The following PLBD2 variants were observed in gnomAD, a reference collection of about 807,000 sequenced individuals.
PLBD2 encodes putative aminopeptidase PLBD2.
In PLBD2, 51 loss-of-function variants were observed where a neutral mutation model predicts 68.3. That is an observed-to-expected ratio of 0.75 (90% CI 0.60 to 0.94). The LOEUF (loss-of-function observed/expected upper bound fraction) is 0.94, where lower values mean the gene tolerates loss of function less well. Ranked by LOEUF, PLBD2 falls within the 40% of genes least tolerant of loss-of-function variation. The pLI is 0.00. For missense variants in PLBD2, 729 were observed against 792.2 expected (o/e 0.92, Z 0.96); for synonymous variants, 314 against 339.3 (o/e 0.93, Z 0.82).
At chr12:113,361,609 A>T (rs1957298007) in intron 1 of PLBD2, among the ~76,000 whole-genome samples, 1 of 152,006 alleles carries the variant, frequency 6.6e-6, no homozygotes, top group Admixed American at 6.6e-5. Context: ...AGCATCCCCA[A>T]ATGTTGGGAT....
At chr12:113,373,229 C>T (rs1254083635) in intron 3 of PLBD2, among the ~76,000 whole-genome samples, 1 of 152,242 alleles carries the variant, frequency 6.6e-6, no homozygotes, top group Non-Finnish European at 1.5e-5. Flanking sequence ...TTTTCCTTTC[C>T]TTGAGTGAGC....
chr12:113,374,439 C>T (rs1317918635), intron 3 of PLBD2, 35 bp from the exon 4 acceptor site: 8 of 1,355,872 alleles, frequency 5.9e-6, no homozygotes, highest in South Asian at 1.2e-5. Flanking sequence ...GGAGGAGAGG[C>T]CTCACCCTCC....
At chr12:113,383,915 C>G (rs1381730565) in intron 6 of PLBD2, among the ~76,000 whole-genome samples, 190 bp from the exon 7 acceptor site, 1 of 148,488 alleles carries the variant, frequency 6.7e-6, no homozygotes, top group Non-Finnish European at 1.5e-5. Flanking sequence ...ACGAAAATTG[C>G]TTGAACTTGG....
At position 113,374,963 on chromosome 12, in the gene PLBD2, G is replaced by A. The variant is rs141234639; in HGVS notation, c.815G>A (p.Arg272His). 27 of 1,614,034 alleles carry A rather than the reference G, an allele frequency of 1.7e-5. No homozygotes were observed. Among genetic ancestry groups the A allele is most frequent in the Middle Eastern group, 1.6e-4 (1 of 6,084 alleles). Residue 272 changes from arginine to histidine, a missense_variant, in exon 5 of 12, where the codon CGT becomes CAT. Physicochemically the swap from Arg to His is conservative, Grantham distance 29. Coordinates refer to ENST00000280800, the MANE Select transcript of PLBD2 (RefSeq NM_173542.4). ...NTWNNYQHML[R>H]VIKKYWLQFR... is the part of the protein sequence containing the mutation. The stretch of plus-strand genomic sequence containing the variant: ...TGGAACAACTACCAGCACATGCTGC[G>A]TGTCATCAAGAAGTACTGGCTCCAG...
Position 113,387,867 on chromosome 12 carries a change from G to T in PLBD2, c.1563G>T (p.Gln521His). The T allele has an allele frequency of 6.2e-7, 1 of 1,614,212 alleles. No homozygotes were observed. Among genetic ancestry groups the T allele is most frequent in the Non-Finnish European group, 8.5e-7 (1 of 1,180,034 alleles). Residue 521 changes from glutamine (Q) to histidine (H), a missense_variant, in exon 11 of 12, where the codon CAG (glutamine) becomes CAT (histidine). Gln to His is a conservative substitution (Grantham distance 24). Transcript: ENST00000280800. ...LNPANGSYPF[Q>H]ALRQRSHGGI... The stretch of plus-strand genomic sequence containing the variant: ...CGGCCAATGGCTCCTACCCCTTCCA[G>T]GCCCTGCGTCAGCGCTCCCATGGGG...
intron 6 of PLBD2, among the ~76,000 whole-genome samples, chr12:113,382,830 GT>G (rs1179441269): frequency 7.9e-6 from 1 of 126,332 alleles, no homozygotes; most frequent in Non-Finnish European, 1.6e-5. Flanking sequence ...GGTGGTGGTG[GT>G]TTTTTGTGTG....
intron 11 of PLBD2, 125 bp downstream of exon 11, chr12:113,388,031 G>GT (rs1256977709): frequency 7.9e-7 from 1 of 1,261,920 alleles, no homozygotes; most frequent in African/African-American, 1.5e-5. Flanking sequence ...TTGGGCTGTG[G>GT]TTGGGGTCAC....
At chr12:113,373,170 G>C (rs1957404800) in intron 3 of PLBD2, among the ~76,000 whole-genome samples, 1 of 152,228 alleles carries the variant, frequency 6.6e-6, no homozygotes, top group Non-Finnish European at 1.5e-5. Context: ...AGAAAGAGGG[G>C]AAGGGGAAAA....
At chr12:113,380,579 C>G (rs1445374193) in intron 5 of PLBD2, among the ~76,000 whole-genome samples, 166 bp from the exon 6 acceptor site, 1 of 152,180 alleles carries the variant, frequency 6.6e-6, no homozygotes, top group Non-Finnish European at 1.5e-5. Flanking sequence ...CGTATATGCA[C>G]TTTTATATGC....
At position 113,387,195 on chromosome 12, in the gene PLBD2, G is replaced by A. The variant is rs1404233417; in HGVS notation, c.1439+106G>A. 5.7e-6 allele frequency: 8 copies of A among 1,411,462 alleles called. No homozygotes were observed. The Admixed American group carries it at 1.6e-4, about 27-fold the overall frequency. 87.4% of individuals were successfully genotyped at this position (1,411,462 alleles called of 1,614,324 possible). A position where few individuals can be genotyped will look rare whatever the true frequency, so the allele number is the denominator to read the frequency against. On this transcript the variant is annotated intron_variant, in intron 10 of 11. Coordinates refer to ENST00000280800, the MANE Select transcript of PLBD2 (RefSeq NM_173542.4). ...CATTCAAACTTTGCTGCCAGCCCCA[G>A]AGGGCCAGCAGGGGGTGGTCAGATG...
rs1007477197 is a variant in PLBD2 at position 113,388,697 on chromosome 12, C to T, written c.*71C>T. On this transcript the variant is annotated 3_prime_UTR_variant, in exon 12 of 12. Coordinates refer to ENST00000280800, the MANE Select transcript of PLBD2 (RefSeq NM_173542.4). Reference sequence around the variant, plus strand: ...AGGGTCACCCCCGTCCCAAGGCCACCGGACTTCTAACTCCAGCCCCTCCTG... The same window carrying T: ...AGGGTCACCCCCGTCCCAAGGCCACTGGACTTCTAACTCCAGCCCCTCCTG... 1.8e-5 allele frequency: 26 copies of T among 1,464,964 alleles called. No individual in the cohort carries two copies. The highest frequency in any genetic ancestry group is 1.0e-4 in the Admixed American group (4 of 39,276). 90.7% of individuals were successfully genotyped at this position (1,464,964 alleles called of 1,614,324 possible).
chr12:113,382,867 GTTTTTTT>G (rs67376686), intron 6 of PLBD2, among the ~76,000 whole-genome samples: 12 of 81,794 alleles, frequency 1.5e-4, no homozygotes, highest in South Asian at 8.2e-4. Context: ...GTGTGTGTGT[GTTTTTTT>G]TTTTTTTTTT....
At chr12:113,365,924 C>A (rs1295537311) in intron 1 of PLBD2, among the ~76,000 whole-genome samples, 1 of 152,204 alleles carries the variant, frequency 6.6e-6, no homozygotes, top group African/African-American at 2.4e-5. Context: ...AACCCCTTGA[C>A]ACTTTATTCG....
rs559824346 is a variant in PLBD2 at position 113,384,921 on chromosome 12, G to T, written c.1189G>T (p.Val397Leu). The part of the protein sequence containing the change: ...IPGGPSPGSR[V>L]LTILEQIPGM... Reference sequence around the variant, plus strand: ...GGGTGGGCCCAGCCCCGGGAGCCGGGTGCTTACCATCCTGGAGCAGATCCC... The same window carrying T: ...GGGTGGGCCCAGCCCCGGGAGCCGGTTGCTTACCATCCTGGAGCAGATCCC... The change falls in exon 8 of 12, where the codon GTG (valine) becomes TTG (leucine). Residue 397 changes from valine (V) to leucine (L), a missense_variant. Physicochemically the swap from Val to Leu is conservative, Grantham distance 32 (BLOSUM62 1). Transcript: ENST00000280800. This position sits in a 1 kb window ranked among gnomAD's most constrained non-coding sequence, Gnocchi z 4.2. 3.7e-6 allele frequency: 6 copies of T among 1,613,246 alleles called. No homozygotes were observed. Among genetic ancestry groups the T allele is most frequent in the Non-Finnish European group, 5.1e-6 (6 of 1,179,664 alleles).
chr12:113,378,153 G>T (rs764384408), intron 5 of PLBD2, among the ~76,000 whole-genome samples: 79 of 152,136 alleles, frequency 5.2e-4, no homozygotes, highest in Non-Finnish European at 1.0e-3. Context: ...CTAGCTGGGC[G>T]TGGTGGCGCA....
At chr12:113,388,419 C>G in intron 11 of PLBD2, 40 bp from the exon 12 acceptor site, 1 of 1,502,494 alleles carries the variant, frequency 6.7e-7, no homozygotes. Context: ...TTGGGGCAGG[C>G]CAGGACCCCT....
rs553857160 is a variant in PLBD2, at chr12:113,391,236, G to C, written c.*2610G>C. ...GTGCTGTGTGCTTGGAGAGAGGAAA[G>C]CACACAGCCCTGGAGTCAGAGACCT... On this transcript the variant is annotated 3_prime_UTR_variant, in exon 12 of 12. Coordinates refer to ENST00000280800, the MANE Select transcript of PLBD2 (RefSeq NM_173542.4). 6.6e-6 allele frequency: 1 copy of C among 152,186 alleles called. No homozygotes were observed. Among genetic ancestry groups the C allele is most frequent in the African/African-American group, 2.4e-5 (1 of 41,434 alleles). The allele number at this position is 152,186 out of a possible 1,614,324, so 9.4% of individuals were successfully genotyped here.
In PLBD2 at chr12:113,382,867, G is replaced by GTGT. The variant is rs1331263076; in HGVS notation, c.958-1237_958-1236insGTT. 1.2e-3 allele frequency among the ~76,000 whole-genome samples: 101 copies of GTGT among 81,810 alleles called. 3 individuals are homozygous for GTGT. Among genetic ancestry groups the GTGT allele is most frequent in the African/African-American group, 1.7e-3 (38 of 21,816 alleles). 53.7% of individuals were successfully genotyped at this position (81,810 alleles called of 152,430 possible). ...TGTGTGTGTGTGTGTGTGTGTGTGT[G>GTGT]TTTTTTTTTTTTTTTTTTTTTTTAG... On this transcript the variant is annotated intron_variant, in intron 6 of 11. Coordinates refer to ENST00000280800, the MANE Select transcript of PLBD2 (RefSeq NM_173542.4).
At chr12:113,383,827 T>G (rs145088684) in intron 6 of PLBD2, among the ~76,000 whole-genome samples, 4,681 of 151,248 alleles carry the variant, frequency 0.031, 244 homozygotes, top group African/African-American at 0.11. Context: ...GGAGAAACCC[T>G]GCCTCTACTA....
Sources: allele counts gnomAD v4.1 joint callset (sites outside exome capture counted in the v4.1 genomes callset), GRCh38; gene constraint gnomAD v4.1.1; non-coding constraint Gnocchi (gnomAD v3.1); transcripts MANE v1.5; gene names NCBI Gene and HGNC (gene_info 2026-07-23, HGNC 2026-07-21).